VPS13B: variants seen among roughly 807,000 people sequenced by gnomAD.
VPS13B encodes vacuolar protein sorting 13 homolog B, also known as intermembrane lipid transfer protein VPS13B.
VPS13B carries 285 observed loss-of-function variants against 426.4 expected under a neutral mutation model. That is an observed-to-expected ratio of 0.67 (90% CI 0.61 to 0.74). The LOEUF is 0.74. Ranked by LOEUF, VPS13B falls within the 30% of genes least tolerant of loss-of-function variation. The pLI, the probability that VPS13B is intolerant of heterozygous loss-of-function variation, is 0.00. For synonymous variants in VPS13B, 1,676 were observed against 1,676.4 expected (o/e 1.00, Z 0.01); for missense variants, 4,537 against 4,782.6 (o/e 0.95, Z 1.51).
At chr8:99,389,196 A>G (rs888802231) in intron 20 of VPS13B, among the ~76,000 whole-genome samples, 6 of 152,022 alleles carry the variant, frequency 3.9e-5, no homozygotes, top group African/African-American at 1.4e-4. Context: ...GCCCAAAGGT[A>G]TTTTTTGTTT....
At chr8:99,819,276 C>A in intron 47 of VPS13B, 136 bp from the exon 48 acceptor site, 1 of 1,017,116 alleles carries the variant, frequency 9.8e-7, no homozygotes, top group Non-Finnish European at 1.5e-6. Context: ...ATCATCCACA[C>A]ACTGTCCCAT....
intron 20 of VPS13B, among the ~76,000 whole-genome samples, chr8:99,390,074 A>G (rs908874354): frequency 1.3e-5 from 2 of 151,650 alleles, no homozygotes; most frequent in South Asian, 4.2e-4. Context: ...GCTTTCGATA[A>G]TTTATTTAAT....
chr8:99,070,066 A>G (rs1844776024), intron 3 of VPS13B, among the ~76,000 whole-genome samples: 3 of 152,064 alleles, frequency 2.0e-5, no homozygotes, highest in Non-Finnish European at 2.9e-5. Flanking sequence ...CACCATGCCC[A>G]GCTGATTTTT....
chr8:99,775,770 C>T (rs868717383), intron 40 of VPS13B, among the ~76,000 whole-genome samples: 4 of 152,034 alleles, frequency 2.6e-5, no homozygotes, highest in Admixed American at 6.5e-5. Context: ...TGGTGGCTGG[C>T]GCCTGTAATC....
intron 3 of VPS13B, among the ~76,000 whole-genome samples, chr8:99,059,905 G>T (rs1844086575): frequency 6.6e-6 from 1 of 151,202 alleles, no homozygotes; most frequent in Non-Finnish European, 1.5e-5. Context: ...GCTAATTTTT[G>T]TATTTTTTTT....
chr8:99,358,645 A>G (rs1003252920), intron 19 of VPS13B, among the ~76,000 whole-genome samples: 2 of 152,176 alleles, frequency 1.3e-5, no homozygotes, highest in African/African-American at 4.8e-5. Context: ...AGATTGTTTC[A>G]GTTGGTATTC....
intron 29 of VPS13B, among the ~76,000 whole-genome samples, chr8:99,516,358 A>G (rs1822069203): frequency 6.6e-6 from 1 of 152,204 alleles, no homozygotes; most frequent in Non-Finnish European, 1.5e-5. Flanking sequence ...TGTGGAAATC[A>G]TGATTGAAGG....
chr8:99,853,812 A>G lies in VPS13B; in HGVS notation c.10423A>G (p.Lys3475Glu). 6.2e-7 allele frequency: 1 copy of G among 1,614,276 alleles called. No individual in the cohort carries two copies. The highest frequency in any genetic ancestry group is 8.5e-7 in the Non-Finnish European group (1 of 1,180,048). Reference sequence around the variant, plus strand: ...CAAAGAGTTGGAAGAATACAAGGAAAAATGTTTTATCAAACTTTGCATCAC... The same window carrying G: ...CAAAGAGTTGGAAGAATACAAGGAAGAATGTTTTATCAAACTTTGCATCAC... ...SNKELEEYKE[K>E]CFIKLCITLN... Residue 3475 changes from lysine (K) to glutamate (E), a missense_variant, in exon 56 of 62, where the codon AAA (lysine) becomes GAA (glutamate). Lys to Glu is a moderately conservative substitution (Grantham distance 56). Around this residue, in one of 2 missense-constraint regions of VPS13B, gnomAD observed 4,311 missense variants for 4,474.3 expected, o/e 0.96. Coordinates refer to ENST00000357162, the MANE Select transcript of VPS13B (RefSeq NM_152564.5).
At chr8:99,290,811 G>A (rs1221001183) in intron 19 of VPS13B, among the ~76,000 whole-genome samples, 1 of 152,028 alleles carries the variant, frequency 6.6e-6, no homozygotes, top group East Asian at 1.9e-4. Context: ...ATTAAGGGTT[G>A]GAGAAGAAAC....
intron 36 of VPS13B, among the ~76,000 whole-genome samples, chr8:99,715,059 T>G (rs574290156): frequency 6.6e-6 from 1 of 152,280 alleles, no homozygotes; most frequent in South Asian, 2.1e-4. Flanking sequence ...TTTCAACTTT[T>G]ATGTAGGCCC....
chr8:99,531,475 C>A (rs1326309059), intron 30 of VPS13B, among the ~76,000 whole-genome samples: 2 of 151,890 alleles, frequency 1.3e-5, no homozygotes, highest in African/African-American at 4.8e-5. Context: ...TTTCTCTTTT[C>A]TCCTAGTAAA....
At chr8:99,296,058 C>A (rs1295893794) in intron 19 of VPS13B, among the ~76,000 whole-genome samples, 2 of 152,050 alleles carry the variant, frequency 1.3e-5, no homozygotes, top group Non-Finnish European at 2.9e-5. Context: ...AGTATAGTTC[C>A]TATAGTTTCT....
intron 23 of VPS13B, among the ~76,000 whole-genome samples, chr8:99,465,049 A>G (rs894680506): frequency 6.6e-6 from 1 of 152,146 alleles, no homozygotes; most frequent in African/African-American, 2.4e-5. Flanking sequence ...TAGCATTACA[A>G]CTTTCCAAGT....
intron 3 of VPS13B, among the ~76,000 whole-genome samples, chr8:99,052,998 A>AT (rs1257745596): frequency 7.9e-5 from 12 of 151,608 alleles, no homozygotes; most frequent in African/African-American, 2.2e-4. Context: ...GGATTCATTG[A>AT]TTTTTTGAAG....
At chr8:99,507,640 C>T in intron 28 of VPS13B, 1 of 1,389,166 alleles carries the variant, frequency 7.2e-7, no homozygotes, top group Non-Finnish European at 1.0e-6. Flanking sequence ...AGAGGCCATA[C>T]CTAGCGGTTG....
chr8:99,407,674 A>T (rs867862372), intron 21 of VPS13B, among the ~76,000 whole-genome samples: 44 of 146,482 alleles, frequency 3.0e-4, no homozygotes, highest in Non-Finnish European at 5.3e-4. Context: ...TTATTTTTTT[A>T]TTTTTTTATT....
At chr8:99,146,829 C>A (rs1810755778) in intron 13 of VPS13B, among the ~76,000 whole-genome samples, 1 of 152,134 alleles carries the variant, frequency 6.6e-6, no homozygotes, top group South Asian at 2.1e-4. Context: ...CTTGGCCTCC[C>A]AAAGTCCTGG....
intron 19 of VPS13B, among the ~76,000 whole-genome samples, chr8:99,329,620 A>G (rs943806563): frequency 6.6e-6 from 1 of 152,012 alleles, no homozygotes; most frequent in East Asian, 1.9e-4. Flanking sequence ...GAAGCAACTT[A>G]TTTCTTTCTG....
chr8:99,700,934 T>G (rs1368300541), intron 36 of VPS13B, among the ~76,000 whole-genome samples: 2 of 152,212 alleles, frequency 1.3e-5, no homozygotes, highest in Middle Eastern at 6.8e-3. Context: ...TTGGGGATAG[T>G]GCAGGGGATA....
Sources: gnomAD v4.1 joint callset for allele counts (sites outside exome capture counted in the v4.1 genomes callset) on GRCh38, gnomAD v4.1.1 for gene constraint, gnomAD v4.1.1 regional missense constraint, MANE v1.5 for transcripts, NCBI Gene and HGNC (gene_info 2026-07-23, HGNC 2026-07-21) for gene names.